Variants in GLB1L2 observed in about 807,000 individuals in gnomAD.
The protein encoded by GLB1L2 is galactosidase beta 1 like 2, also known as beta-galactosidase-1-like protein 2.
In GLB1L2, 68 loss-of-function variants were observed where a neutral mutation model predicts 84.1. That is an observed-to-expected ratio of 0.81 (90% CI 0.67 to 0.99). The LOEUF (loss-of-function observed/expected upper bound fraction) is 0.99, where lower values mean the gene tolerates loss of function less well. Among genes scored for constraint, GLB1L2 ranks in the 50% least tolerant of loss-of-function variants. GLB1L2 has a pLI of 0.00. For synonymous variants in GLB1L2, 290 were observed against 318.0 expected, an observed-to-expected ratio of 0.91 and a Z score of 0.94; for missense variants, 762 against 805.6, an observed-to-expected ratio of 0.95 and a Z score of 0.66.
At chr11:134,341,065 T>C (rs973557077) in intron 1 of GLB1L2, among the ~76,000 whole-genome samples, 27 of 152,242 alleles carry the variant, frequency 1.8e-4, no homozygotes, top group Admixed American at 5.2e-4. Context: ...ACATAAGCTA[T>C]ATACCACCAT....
chr11:134,372,051 C>T (rs1049868154), intron 15 of GLB1L2, among the ~76,000 whole-genome samples: 5 of 152,262 alleles, frequency 3.3e-5, no homozygotes, highest in Admixed American at 6.5e-5. Context: ...TCTGCGTGCT[C>T]GTGATAAACA....
In GLB1L2 at chr11:134,369,854, G is replaced by T; in HGVS notation, c.1077G>T (p.Met359Ile). The stretch of plus-strand genomic sequence containing the variant: ...CCGGCGATTACACGGCCAAGTACAT[G>T]AAGCTTCGAGACTTCTTCGGCTCCA... ...TEAGDYTAKY[M>I]KLRDFFGSIS... The change falls in exon 11 of 19, where the codon ATG becomes ATT. Residue 359 changes from methionine (M) to isoleucine (I), a missense_variant. By Grantham distance (10) the Met-to-Ile change is conservative. Around this residue, in one of 3 missense-constraint regions of GLB1L2, gnomAD observed 603 missense variants for 611.7 expected, o/e 0.99. Coordinates refer to ENST00000535456, the MANE Select transcript of GLB1L2 (RefSeq NM_001370461.1). 1 of 1,613,784 alleles carries T rather than the reference G, an allele frequency of 6.2e-7. No individual in the cohort carries two copies. The highest frequency in any genetic ancestry group is 8.5e-7 in the Non-Finnish European group (1 of 1,179,686).
rs1943957044 is a variant in GLB1L2 at position 134,371,813 on chromosome 11, T to C, written c.1490T>C (p.Ile497Thr). The C allele has an allele frequency of 1.2e-6, 2 of 1,613,978 alleles. No individual in the cohort carries two copies. Among genetic ancestry groups the C allele is most frequent in the African/African-American group, 1.3e-5 (1 of 74,908 alleles). ...GGGCGAGTCAACTATGGGGAGAATA[T>C]TGATGACCAGCGCAAAGGTGGGTCC... ...NRGRVNYGEN[I>T]DDQRKGLIGN... The change falls in exon 15 of 19, where the codon ATT becomes ACT. Residue 497 changes from isoleucine (I) to threonine (T), a missense_variant. Ile to Thr is a moderately conservative substitution (Grantham distance 89, BLOSUM62 -1). Around this residue, in one of 3 missense-constraint regions of GLB1L2, gnomAD observed 603 missense variants for 611.7 expected, o/e 0.99. Coordinates refer to ENST00000535456, the MANE Select transcript of GLB1L2 (RefSeq NM_001370461.1).
rs374959683 is a variant in GLB1L2 at position 134,376,178 on chromosome 11, A to AC, written c.*1126dup. ...CCCAGCTCAGTGGCCCCCGCCCCCC[A>AC]CCCCCCACGCCCGAACAGCAGGGGC... On this transcript the variant is annotated 3_prime_UTR_variant, in exon 19 of 19. Coordinates refer to ENST00000535456, the MANE Select transcript of GLB1L2 (RefSeq NM_001370461.1). 0.048 allele frequency: 3,621 copies of AC among 75,432 alleles called. 139 individuals carry two copies. Among genetic ancestry groups the AC allele is most frequent in the African/African-American group, 0.15 (3,289 of 21,682 alleles). 4.7% of individuals were successfully genotyped at this position (75,432 alleles called of 1,614,324 possible). A position where few individuals can be genotyped will look rare whatever the true frequency, so the allele number is the denominator to read the frequency against.
intron 1 of GLB1L2, among the ~76,000 whole-genome samples, chr11:134,342,059 G>A (rs1467990201): frequency 6.6e-6 from 1 of 151,114 alleles, no homozygotes; most frequent in African/African-American, 2.4e-5. Flanking sequence ...CCAGCTTCTC[G>A]CACGGCTTTC....
At chr11:134,350,305 G>C (rs1020714574) in intron 5 of GLB1L2, among the ~76,000 whole-genome samples, 3 of 152,168 alleles carry the variant, frequency 2.0e-5, no homozygotes, top group Admixed American at 6.5e-5. Context: ...CAATCACTAG[G>C]GTGGGCAGTT....
chr11:134,357,852 G>T (rs1943725314), intron 6 of GLB1L2, among the ~76,000 whole-genome samples: 1 of 152,226 alleles, frequency 6.6e-6, no homozygotes, highest in African/African-American at 2.4e-5. Flanking sequence ...CTGGTGCTCA[G>T]GCGGGAGCAA....
intron 1 of GLB1L2, among the ~76,000 whole-genome samples, chr11:134,335,168 A>G (rs2136253764): frequency 6.6e-6 from 1 of 152,100 alleles, no homozygotes; most frequent in Middle Eastern, 3.4e-3. Flanking sequence ...AGAAAGGAAA[A>G]GGAGGAGATG....
Position 134,356,350 on chromosome 11 carries a change from GTTC to G in GLB1L2, c.609_611del (p.Ser204del). 1 of 1,613,958 alleles carries G rather than the reference GTTC, an allele frequency of 6.2e-7. No homozygotes were observed. The highest frequency in any genetic ancestry group is 8.5e-7 in the Non-Finnish European group (1 of 1,179,888). Reference sequence around the variant, plus strand: ...GCCGTGCAGGTGGAGAATGAATATGGTTCCTATAATAAAGACCCCGCATACATG... The same window carrying G: ...GCCGTGCAGGTGGAGAATGAATATGGCTATAATAAAGACCCCGCATACATG... On this transcript the variant is annotated inframe_deletion, in exon 6 of 19. Transcript: ENST00000535456.
Position 134,370,019 on chromosome 11 carries a change from A to G in GLB1L2, c.1108+134A>G. On this transcript the variant is annotated intron_variant, in intron 11 of 18. Transcript: ENST00000535456. This position sits in a 1 kb window ranked among gnomAD's most constrained non-coding sequence, Gnocchi z 4.7. Reference sequence around the variant, plus strand: ...GTGCAAGAATATCCTAGACAAGGACAGGGAGGTGTGTGAGGCTGTTTCCAT... The same window carrying G: ...GTGCAAGAATATCCTAGACAAGGACGGGGAGGTGTGTGAGGCTGTTTCCAT... 1 of 767,132 alleles carries G rather than the reference A, an allele frequency of 1.3e-6. No individual in the cohort carries two copies. The highest frequency in any genetic ancestry group is 2.6e-5 in the East Asian group (1 of 37,960). The allele number at this position is 767,132 out of a possible 1,614,324, so 47.5% of individuals were successfully genotyped here.
At chr11:134,366,453 C>T (rs1320128181) in intron 8 of GLB1L2, among the ~76,000 whole-genome samples, 2 of 152,140 alleles carry the variant, frequency 1.3e-5, no homozygotes, top group African/African-American at 4.8e-5. Flanking sequence ...CTATCACTGA[C>T]CTAGAGATAC....
intron 9 of GLB1L2, among the ~76,000 whole-genome samples, chr11:134,367,668 G>A (rs535596686): frequency 1.3e-5 from 2 of 152,332 alleles, no homozygotes; most frequent in East Asian, 3.9e-4. Flanking sequence ...CACGCAGGCA[G>A]TTCTCTCTGT....
At chr11:134,356,859 A>G (rs1270912552) in intron 6 of GLB1L2, among the ~76,000 whole-genome samples, 1 of 151,992 alleles carries the variant, frequency 6.6e-6, no homozygotes. Flanking sequence ...GACTCAATGC[A>G]TGACTGACCA....
intron 10 of GLB1L2, among the ~76,000 whole-genome samples, chr11:134,369,246 G>A (rs1230272359): frequency 3.9e-5 from 6 of 152,246 alleles, no homozygotes; most frequent in Admixed American, 3.3e-4. Flanking sequence ...AGGCTGGAGT[G>A]TAGTAGTGTG....
chr11:134,349,435 C>G (rs748184346), intron 5 of GLB1L2, among the ~76,000 whole-genome samples: 1 of 152,202 alleles, frequency 6.6e-6, no homozygotes, highest in Non-Finnish European at 1.5e-5. Context: ...CCCCTGCTTT[C>G]GCTTCTTTTG....
At chr11:134,369,971 C>A in intron 11 of GLB1L2, 86 bp downstream of exon 11, 1 of 1,095,050 alleles carries the variant, frequency 9.1e-7, no homozygotes, top group Non-Finnish European at 1.4e-6. Context: ...CTTACTGTCC[C>A]ACCTCGACCC....
chr11:134,374,616 G>A lies in GLB1L2; in HGVS notation c.1722G>A (p.Gly574=). Residue 574 remains glycine, a synonymous_variant, in exon 18 of 19, where the codon GGG becomes GGA. Coordinates refer to ENST00000535456, the MANE Select transcript of GLB1L2 (RefSeq NM_001370461.1). ...TFLKLEGWEK[G]VVFINGQNLG... ...TCTGTTTCAAGGGCTGGGAGAAGGG[G>A]GTTGTATTCATCAATGGCCAGAACC... is the stretch of plus-strand genomic sequence containing the variant. 1 of 1,613,764 alleles carries A rather than the reference G, an allele frequency of 6.2e-7. No homozygotes were observed. Among genetic ancestry groups the A allele is most frequent in the Non-Finnish European group, 8.5e-7 (1 of 1,179,732 alleles).
At chr11:134,350,838 CCT>C (rs1943618345) in intron 5 of GLB1L2, among the ~76,000 whole-genome samples, 1 of 152,154 alleles carries the variant, frequency 6.6e-6, no homozygotes, top group South Asian at 2.1e-4. Flanking sequence ...GGAATTGTCC[CCT>C]GATGGTGGAT....
chr11:134,340,394 G>A (rs775291209), intron 1 of GLB1L2, among the ~76,000 whole-genome samples: 3 of 152,192 alleles, frequency 2.0e-5, no homozygotes, highest in Admixed American at 6.5e-5. Flanking sequence ...CTGGCCTGGG[G>A]TGAGCCCAGC....
Sources: gnomAD v4.1 joint callset for allele counts (sites outside exome capture counted in the v4.1 genomes callset) on GRCh38, gnomAD v4.1.1 for gene constraint, gnomAD v4.1.1 regional missense constraint, Gnocchi (gnomAD v3.1) non-coding constraint, MANE v1.5 for transcripts, NCBI Gene and HGNC (gene_info 2026-07-23, HGNC 2026-07-21) for gene names.